The following FOXD4 variants were observed in gnomAD, a reference collection of about 807,000 sequenced individuals.
The protein encoded by FOXD4 is forkhead box protein D4.
A neutral mutation model predicts 26.5 loss-of-function variants in FOXD4; 22 were observed. The observed-to-expected ratio is 0.83, with a 90% CI of 0.59 to 1.18. The LOEUF (loss-of-function observed/expected upper bound fraction) is 1.18. Ranked by LOEUF, FOXD4 falls within the 50% of genes most tolerant of loss-of-function variation. The pLI, the probability that FOXD4 is intolerant of heterozygous loss-of-function variation, is 0.00. For missense variants in FOXD4, 625 were observed against 605.8 expected (o/e 1.03, Z -0.33); for synonymous variants, 258 against 273.7 (o/e 0.94, Z 0.57).
rs763397626 is a variant in FOXD4 at position 116,918 on chromosome 9, A to G, written c.1202T>C (p.Val401Ala). The G allele has an allele frequency of 8.7e-6, 14 of 1,610,984 alleles. No homozygotes were observed. The highest frequency in any genetic ancestry group is 8.3e-5 in the Admixed American group (5 of 59,938). Reference protein sequence around the residue: ...AASALLRYQAVAEGSGLTSLA... With the variant: ...AASALLRYQAAAEGSGLTSLA... ...CGATGTCAGCCCAGAGCCCTCTGCC[A>G]CCGCCTGATACCGCAGCAGCGCCGA... The change falls in exon 1 of 1, where the codon GTG becomes GCG. Residue 401 changes from valine to alanine, a missense_variant. This residue lies in a region of FOXD4 where 134 missense variants were observed against 132.2 expected (regional missense o/e 1.01). Transcript: ENST00000382500.
Position 118,191 on chromosome 9 carries a change from G to A in FOXD4, c.-72C>T. 1.2e-6 allele frequency: 2 copies of A among 1,610,940 alleles called. No homozygotes were observed. Among genetic ancestry groups the A allele is most frequent in the Non-Finnish European group, 1.7e-6 (2 of 1,179,530 alleles). ...CTGGCCCCGGCGGGCTGAGCTGGAA[G>A]CCCGGGATGAATGTTGCAAGAAGCA... On this transcript the variant is annotated 5_prime_UTR_variant, in exon 1 of 1. Transcript: ENST00000382500.
chr9:118,124 G>A lies in FOXD4; in HGVS notation c.-5C>T. The A allele has an allele frequency of 1.2e-6, 2 of 1,611,920 alleles. No individual in the cohort carries two copies. The highest frequency in any genetic ancestry group is 8.5e-7 in the Non-Finnish European group (1 of 1,179,820). On this transcript the variant is annotated 5_prime_UTR_variant, in exon 1 of 1. Transcript: ENST00000382500. ...CTCAGCTCTTGGCAAGTTCATGGCG[G>A]AGCAGGTGCTTCAGTCGCAGGGGAT...
In FOXD4 at chr9:117,853, C is replaced by G. The variant is rs1012388077; in HGVS notation, c.267G>C (p.Pro89=). 16 of 1,612,054 alleles carry G rather than the reference C, an allele frequency of 9.9e-6. No homozygotes were observed. The highest frequency in any genetic ancestry group is 1.4e-5 in the Non-Finnish European group (16 of 1,179,788). Residue 89 remains proline, a synonymous_variant, in exon 1 of 1, where the codon CCG becomes CCC. Transcript: ENST00000382500. The part of the protein sequence containing the change: ...PSEFGTEFRA[P]PRSAAASEDA... ...CTTCAGAGGCCGCCGCAGACCTTGG[C>G]GGTGCCCTGAACTCGGTGCCAAACT...
At position 117,057 on chromosome 9, in the gene FOXD4, G is replaced by A. The variant is rs779276024; in HGVS notation, c.1063C>T (p.Arg355Cys). Reference sequence around the variant, plus strand: ...TGCAAAATTGTCCGACAGGCTTGACGGTCGCTGGAGCAGGGGGCAGTAGCT... The same window carrying A: ...TGCAAAATTGTCCGACAGGCTTGACAGTCGCTGGAGCAGGGGGCAGTAGCT... ...RGATAPCSSD[R>C]QACRTILQQQ... The change falls in exon 1 of 1, where the codon CGT (arginine) becomes TGT (cysteine). Residue 355 changes from arginine (R) to cysteine (C), a missense_variant. Coordinates refer to ENST00000382500, the MANE Select transcript of FOXD4 (RefSeq NM_207305.5). 2 of 1,612,068 alleles carry A rather than the reference G, an allele frequency of 1.2e-6. No individual in the cohort carries two copies. The highest frequency in any genetic ancestry group is 1.7e-6 in the Non-Finnish European group (2 of 1,179,858).
chr9:117,386 G>GC, the FOXD4 span: 6 of 1,591,146 alleles, frequency 3.8e-6, no homozygotes, highest in East Asian at 1.3e-4. Flanking sequence ...GTTGGGGTAG[G>GC]CCCCCGGGAC....
rs1444335491 is a variant in FOXD4 at position 117,807 on chromosome 9, G to A, written c.313C>T (p.Pro105Ser). 1.2e-6 allele frequency: 2 copies of A among 1,612,848 alleles called. No homozygotes were observed. Among genetic ancestry groups the A allele is most frequent in the Non-Finnish European group, 8.5e-7 (1 of 1,180,006 alleles). The change falls in exon 1 of 1, where the codon CCC (proline) becomes TCC (serine). Residue 105 changes from proline (P) to serine (S), a missense_variant. By Grantham distance (74) the Pro-to-Ser change is moderately conservative. Coordinates refer to ENST00000382500, the MANE Select transcript of FOXD4 (RefSeq NM_207305.5). ...ATGAGCGCGATGTACGAGGAGGGGG[G>A]CTTTGCCGGCTGCCGGGCATCTTCA... ...ASEDARQPAK[P>S]PSSYIALITM...
At position 117,610 on chromosome 9, in the gene FOXD4, G is replaced by T. The variant is rs1819400626; in HGVS notation, c.510C>A (p.Gly170=). 6 of 1,613,812 alleles carry T rather than the reference G, an allele frequency of 3.7e-6. No individual in the cohort carries two copies. Among genetic ancestry groups the T allele is most frequent in the Non-Finnish European group, 5.1e-6 (6 of 1,180,046 alleles). The change falls in exon 1 of 1, where the codon GGC becomes GGA. Residue 170 remains glycine (G), a synonymous_variant. Coordinates refer to ENST00000382500, the MANE Select transcript of FOXD4 (RefSeq NM_207305.5). ...TCCAGTAGTTGCCCTTGCCTGGGCG[G>T]CCCGGCTCGCGGGGGATCTTGACGA... ...DCFVKIPREP[G]RPGKGNYWSL...
rs1819423893 is a variant in FOXD4, at chr9:118,096, G to A, written c.24C>T (p.Arg8=). 1.2e-6 allele frequency: 2 copies of A among 1,612,004 alleles called. No individual in the cohort carries two copies. The highest frequency in any genetic ancestry group is 2.2e-5 in the South Asian group (2 of 90,990). The part of the protein sequence containing the change: MNLPRAE[R]LRSTPQRSLR... ...GGCTGCGCTGCGGTGTGGAGCGAAG[G>A]CGCTCAGCTCTTGGCAAGTTCATGG... Residue 8 remains arginine (R), a synonymous_variant, in exon 1 of 1, where the codon CGC becomes CGT. Coordinates refer to ENST00000382500, the MANE Select transcript of FOXD4 (RefSeq NM_207305.5).
Position 118,325 on chromosome 9 carries a change from C to G in FOXD4, c.-206G>C, listed in dbSNP as rs1587380197. The G allele has an allele frequency of 4.4e-5, 46 of 1,044,280 alleles. No individual in the cohort carries two copies. The South Asian group carries it at 6.2e-4, about 14-fold the overall frequency. The allele number at this position is 1,044,280 out of a possible 1,614,324, so 64.7% of individuals were successfully genotyped here. A position where few individuals can be genotyped will look rare whatever the true frequency, so the allele number is the denominator to read the frequency against. On this transcript the variant is annotated 5_prime_UTR_variant, in exon 1 of 1. The change abolishes an upstream ATG in the 5' untranslated region. Transcript: ENST00000382500. ...CCTTTTATAAAAGCTTCTTCAAGAC[C>G]ATGTGTGGTGGACGCCTCCCTTTAT...
rs145488995 is a variant in FOXD4 at position 117,577 on chromosome 9, G to A, written c.543C>T (p.Asp181=). 3.5e-5 allele frequency: 56 copies of A among 1,613,666 alleles called. No individual in the cohort carries two copies. The African/African-American group carries it at 5.1e-4, about 15-fold the overall frequency. ...TGTCGAACATGTCCTGGGAGGCGGG[G>A]TCCAGGCTCCAGTAGTTGCCCTTGC... The part of the protein sequence containing the change: ...RPGKGNYWSL[D]PASQDMFDNG... The change falls in exon 1 of 1, where the codon GAC becomes GAT. Residue 181 remains aspartate, a synonymous_variant. Coordinates refer to ENST00000382500, the MANE Select transcript of FOXD4 (RefSeq NM_207305.5).
chr9:118,280 G>A lies in FOXD4; in HGVS notation c.-161C>T. On this transcript the variant is annotated 5_prime_UTR_variant, in exon 1 of 1. The change creates a new upstream start codon in the 5' untranslated region. Coordinates refer to ENST00000382500, the MANE Select transcript of FOXD4 (RefSeq NM_207305.5). ...CTTGTTTCTACGCCTTTGCAACAACGTCCGGCAAAGATGCCTTCGCCTTTT... is the reference window on the plus strand; with the variant it reads ...CTTGTTTCTACGCCTTTGCAACAACATCCGGCAAAGATGCCTTCGCCTTTT... The A allele has an allele frequency of 6.8e-7, 1 of 1,479,738 alleles. No homozygotes were observed. 91.7% of individuals were successfully genotyped at this position (1,479,738 alleles called of 1,614,324 possible). A position where few individuals can be genotyped will look rare whatever the true frequency, so the allele number is the denominator to read the frequency against.
At position 116,643 on chromosome 9, in the gene FOXD4, T is replaced by C. The variant is rs1323891809; in HGVS notation, c.*157A>G. On this transcript the variant is annotated 3_prime_UTR_variant, in exon 1 of 1. Coordinates refer to ENST00000382500, the MANE Select transcript of FOXD4 (RefSeq NM_207305.5). The stretch of plus-strand genomic sequence containing the variant: ...CCCTGCGAAGGTTACGTTCAGGTGG[T>C]TTTTAGAGGAACGTAATCCAGCTGT... The C allele has an allele frequency of 7.9e-7, 1 of 1,260,506 alleles. No homozygotes were observed. Among genetic ancestry groups the C allele is most frequent in the Non-Finnish European group, 1.1e-6 (1 of 909,220 alleles). 78.1% of individuals were successfully genotyped at this position (1,260,506 alleles called of 1,614,324 possible).
At position 117,219 on chromosome 9, in the gene FOXD4, G is replaced by C. The variant is rs1225666357; in HGVS notation, c.901C>G (p.Leu301Val). ...PFPCCSPHLV[L>V]SLGRRARVWR... ...ACCCTTGCCCTCCTCCCAAGGCTGA[G>C]GACCAAGTGAGGGCTGCAGCACGGG... Residue 301 changes from leucine to valine, a missense_variant, in exon 1 of 1, where the codon CTC becomes GTC. Coordinates refer to ENST00000382500, the MANE Select transcript of FOXD4 (RefSeq NM_207305.5). The C allele has an allele frequency of 5.0e-6, 8 of 1,609,920 alleles. No homozygotes were observed. The Admixed American group carries it at 6.7e-5, about 13-fold the overall frequency.
At position 117,592 on chromosome 9, in the gene FOXD4, G is replaced by A. The variant is rs1464539502; in HGVS notation, c.528C>T (p.Asn176=). The change falls in exon 1 of 1, where the codon AAC becomes AAT. Residue 176 remains asparagine, a synonymous_variant. Coordinates refer to ENST00000382500, the MANE Select transcript of FOXD4 (RefSeq NM_207305.5). ...PREPGRPGKG[N]YWSLDPASQD... is the part of the protein sequence containing the mutation. The stretch of plus-strand genomic sequence containing the variant: ...GGGAGGCGGGGTCCAGGCTCCAGTA[G>A]TTGCCCTTGCCTGGGCGGCCCGGCT... 2.5e-6 allele frequency: 4 copies of A among 1,613,872 alleles called. No individual in the cohort carries two copies. The highest frequency in any genetic ancestry group is 3.4e-6 in the Non-Finnish European group (4 of 1,180,050).
Position 117,853 on chromosome 9 carries a change from C to T in FOXD4, c.267G>A (p.Pro89=). 1 of 1,612,054 alleles carries T rather than the reference C, an allele frequency of 6.2e-7. No individual in the cohort carries two copies. Among genetic ancestry groups the T allele is most frequent in the Non-Finnish European group, 8.5e-7 (1 of 1,179,788 alleles). ...CTTCAGAGGCCGCCGCAGACCTTGG[C>T]GGTGCCCTGAACTCGGTGCCAAACT... is the stretch of plus-strand genomic sequence containing the variant. ...PSEFGTEFRA[P]PRSAAASEDA... The change falls in exon 1 of 1, where the codon CCG becomes CCA. Residue 89 remains proline (P), a synonymous_variant. Transcript: ENST00000382500.
Position 117,630 on chromosome 9 carries a change from TGAC to T in FOXD4, c.487_489del (p.Val163del). On this transcript the variant is annotated inframe_deletion, in exon 1 of 1. Coordinates refer to ENST00000382500, the MANE Select transcript of FOXD4 (RefSeq NM_207305.5). ...GGGCGGCCCGGCTCGCGGGGGATCTTGACGAAGCAGTCGTTCAGCGAGAGGTTG... is the reference window on the plus strand; with the variant it reads ...GGGCGGCCCGGCTCGCGGGGGATCTTGAAGCAGTCGTTCAGCGAGAGGTTG... The T allele has an allele frequency of 6.2e-7, 1 of 1,613,924 alleles. No homozygotes were observed. Among genetic ancestry groups the T allele is most frequent in the Non-Finnish European group, 8.5e-7 (1 of 1,180,020 alleles).
rs886525425 is a variant in FOXD4 at position 117,048 on chromosome 9, A to C, written c.1072T>G (p.Cys358Gly). The C allele has an allele frequency of 6.2e-7, 1 of 1,611,932 alleles. No individual in the cohort carries two copies. The highest frequency in any genetic ancestry group is 1.3e-5 in the African/African-American group (1 of 74,854). ...TAPCSSDRQACRTILQQQQRH... is the reference protein window; with the variant it reads ...TAPCSSDRQAGRTILQQQQRH... ...TGCTGTTGCTGCAAAATTGTCCGAC[A>C]GGCTTGACGGTCGCTGGAGCAGGGG... The change falls in exon 1 of 1, where the codon TGT (cysteine) becomes GGT (glycine). Residue 358 changes from cysteine (C) to glycine (G), a missense_variant. Physicochemically the swap from Cys to Gly is radical, Grantham distance 159. This residue lies in a region of FOXD4 where 134 missense variants were observed against 132.2 expected (regional missense o/e 1.01). Transcript: ENST00000382500.
Position 118,083 on chromosome 9 carries a change from G to C in FOXD4, c.37C>G (p.Pro13Ala). ...LPRAERLRST[P>A]QRSLRDSDGE... is the part of the protein sequence containing the mutation. ...TCGGAGTCCCGGAGGCTGCGCTGCG[G>C]TGTGGAGCGAAGGCGCTCAGCTCTT... The change falls in exon 1 of 1, where the codon CCG becomes GCG. Residue 13 changes from proline to alanine, a missense_variant. Pro to Ala is a conservative substitution (Grantham distance 27). Around this residue, in one of 3 missense-constraint regions of FOXD4, gnomAD observed 399 missense variants for 329.4 expected, o/e 1.21. Transcript: ENST00000382500. The C allele has an allele frequency of 1.2e-6, 2 of 1,612,040 alleles. No homozygotes were observed. Among genetic ancestry groups the C allele is most frequent in the Non-Finnish European group, 1.7e-6 (2 of 1,179,858 alleles).
chr9:116,705 G>C lies in FOXD4; in HGVS notation c.*95C>G. 2.0e-6 allele frequency: 3 copies of C among 1,508,802 alleles called. No individual in the cohort carries two copies. The highest frequency in any genetic ancestry group is 2.2e-5 in the Admixed American group (1 of 44,744). 93.5% of individuals were successfully genotyped at this position (1,508,802 alleles called of 1,614,324 possible). A position where few individuals can be genotyped will look rare whatever the true frequency, so the allele number is the denominator to read the frequency against. On this transcript the variant is annotated 3_prime_UTR_variant, in exon 1 of 1. Transcript: ENST00000382500. Reference sequence around the variant, plus strand: ...CATTTTGCAGGGAACAGAAGTTCGTGTTTGCTCTCCAGCGGGATTCAGATG... The same window carrying C: ...CATTTTGCAGGGAACAGAAGTTCGTCTTTGCTCTCCAGCGGGATTCAGATG...
Sources: gnomAD v4.1 joint callset for allele counts on GRCh38, gnomAD v4.1.1 for gene constraint, gnomAD v4.1.1 regional missense constraint, MANE v1.5 for transcripts, NCBI Gene and HGNC (gene_info 2026-07-23, HGNC 2026-07-21) for gene names.